The following DLG2 variants were observed in gnomAD, a reference collection of about 807,000 sequenced individuals.
The protein encoded by DLG2 is disks large homolog 2.
Under a neutral mutation model 132.5 loss-of-function variants are expected in DLG2, and 45 were observed. That is an observed-to-expected ratio of 0.34 (90% CI 0.27 to 0.44). The LOEUF (loss-of-function observed/expected upper bound fraction) is 0.44, where lower values mean the gene tolerates loss of function less well. Among genes scored for constraint, DLG2 ranks in the 20% least tolerant of loss-of-function variants. DLG2 has a pLI of 1.00. For missense variants in DLG2, 1,045 were observed against 1,196.9 expected (o/e 0.87, Z 1.87); for synonymous variants, 424 against 419.6 (o/e 1.01, Z -0.13).
chr11:84,849,243 T>C (rs915754256), intron 6 of DLG2, among the ~76,000 whole-genome samples: 1 of 152,156 alleles, frequency 6.6e-6, no homozygotes, highest in African/African-American at 2.4e-5. Context: ...CACTGAGAGA[T>C]AATAAAATGG....
intron 7 of DLG2, among the ~76,000 whole-genome samples, chr11:84,255,524 A>AGGTT (rs1351239804): frequency 6.6e-6 from 1 of 152,110 alleles, no homozygotes; most frequent in Non-Finnish European, 1.5e-5. Flanking sequence ...CAGTTTTGCC[A>AGGTT]GGTTGCCCAG....
intron 15 of DLG2, among the ~76,000 whole-genome samples, chr11:83,894,770 T>A (rs916807159): frequency 5.9e-5 from 9 of 152,198 alleles, no homozygotes; most frequent in African/African-American, 2.2e-4. Flanking sequence ...TATACTTTTT[T>A]TACCTTTAAA....
intron 20 of DLG2, 111 bp from the exon 21 acceptor site, chr11:83,532,894 G>A: frequency 1.2e-6 from 1 of 868,194 alleles, no homozygotes; most frequent in Non-Finnish European, 1.8e-6. Flanking sequence ...CAAATAAAAT[G>A]TGTTCTAAAA....
At chr11:85,230,129 T>C (rs1470365659) in intron 4 of DLG2, among the ~76,000 whole-genome samples, 1 of 151,992 alleles carries the variant, frequency 6.6e-6, no homozygotes, top group African/African-American at 2.4e-5. Context: ...AAAGTATTGT[T>C]TAAAAAATGC....
chr11:83,924,589 T>C (rs548850573), intron 15 of DLG2, among the ~76,000 whole-genome samples: 3 of 152,212 alleles, frequency 2.0e-5, no homozygotes, highest in Non-Finnish European at 2.9e-5. Flanking sequence ...CTACCATTCA[T>C]CTCCCTTCAC....
In DLG2 at chr11:84,690,788, A is replaced by G. The variant is rs187883915; in HGVS notation, c.358-156057T>C. ...TGATTTACTCCAAATCACATACTTA[A>G]TAACAGGCAGAAGTGGTAATTCCAA... On this transcript the variant is annotated intron_variant, in intron 6 of 27. Transcript: ENST00000376104. Among the ~76,000 whole-genome samples the G allele has an allele frequency of 6.6e-5, 10 of 152,040 alleles. No homozygotes were observed. The East Asian group carries it at 1.7e-3, about 26-fold the overall frequency.
chr11:84,827,010 C>G (rs989081043), intron 6 of DLG2, among the ~76,000 whole-genome samples: 7 of 151,696 alleles, frequency 4.6e-5, no homozygotes, highest in Non-Finnish European at 8.8e-5. Flanking sequence ...TAACAAAACT[C>G]AATTTTTTTA....
chr11:85,116,347 C>T (rs191042100), intron 5 of DLG2, among the ~76,000 whole-genome samples: 73 of 151,828 alleles, frequency 4.8e-4, no homozygotes, highest in Admixed American at 7.2e-4. Context: ...TGAGGAAAAA[C>T]GACTCAGAAA....
chr11:84,384,931 CATCT>C (rs1271485380), intron 7 of DLG2, among the ~76,000 whole-genome samples: 5 of 152,074 alleles, frequency 3.3e-5, no homozygotes, highest in Non-Finnish European at 5.9e-5. Flanking sequence ...TGAATTCTTC[CATCT>C]GTTTCCATGT....
rs543330272 is a variant in DLG2 at position 83,988,031 on chromosome 11, A to G, written c.920-7389T>C. ...TTTAAGTTCCTTGTAGACTCTGGAC[A>G]TCAGACCTTTGTCAGATGAATAGAT... On this transcript the variant is annotated intron_variant, in intron 11 of 27. Coordinates refer to ENST00000376104, the MANE Select transcript of DLG2 (RefSeq NM_001142699.3). 4.6e-5 allele frequency among the ~76,000 whole-genome samples: 7 copies of G among 152,274 alleles called. No individual in the cohort carries two copies. The East Asian group carries it at 1.4e-3, about 29-fold the overall frequency.
chr11:84,966,519 T>C (rs959173095), intron 6 of DLG2, among the ~76,000 whole-genome samples: 7 of 152,090 alleles, frequency 4.6e-5, no homozygotes, highest in Non-Finnish European at 8.8e-5. Context: ...AAAGGAAGGA[T>C]TGGAAGACGA....
chr11:85,469,159 G>C (rs1057450940), intron 3 of DLG2, among the ~76,000 whole-genome samples: 1 of 152,176 alleles, frequency 6.6e-6, no homozygotes, highest in African/African-American at 2.4e-5. Context: ...AGTCCTATCA[G>C]CTCCTCATTC....
intron 9 of DLG2, among the ~76,000 whole-genome samples, chr11:84,122,430 T>G (rs1196354298): frequency 6.6e-6 from 1 of 152,202 alleles, no homozygotes; most frequent in African/African-American, 2.4e-5. Context: ...AGTTGGAGAC[T>G]GATTAGTCAA....
At chr11:83,881,028 G>C (rs1187276911) in intron 15 of DLG2, among the ~76,000 whole-genome samples, 2 of 111,706 alleles carry the variant, frequency 1.8e-5, no homozygotes, top group Non-Finnish European at 3.6e-5. Context: ...AAAAGTAATA[G>C]TGGTTTTTTC....
intron 3 of DLG2, among the ~76,000 whole-genome samples, chr11:85,501,524 A>T (rs2093803268): frequency 6.6e-6 from 1 of 152,220 alleles, no homozygotes; most frequent in Non-Finnish European, 1.5e-5. Flanking sequence ...TATCCATCTG[A>T]CAAAGGGCTA....
At chr11:83,705,490 A>G (rs1015726228) in intron 18 of DLG2, among the ~76,000 whole-genome samples, 5 of 152,184 alleles carry the variant, frequency 3.3e-5, no homozygotes, top group Non-Finnish European at 7.4e-5. Flanking sequence ...TATACTAGAT[A>G]TAATAGGTTT....
intron 6 of DLG2, among the ~76,000 whole-genome samples, chr11:84,537,090 C>A (rs1050311856): frequency 7.2e-5 from 11 of 152,040 alleles, no homozygotes; most frequent in South Asian, 2.1e-4. Flanking sequence ...ATATGCTGAA[C>A]CCCCATTACT....
At chr11:85,381,302 A>G (rs2085865934) in intron 3 of DLG2, among the ~76,000 whole-genome samples, 2 of 152,180 alleles carry the variant, frequency 1.3e-5, no homozygotes, top group South Asian at 4.1e-4. Flanking sequence ...GTTTAAAAAA[A>G]TTGGTAGGTT....
chr11:83,634,269 T>C (rs1211947219), intron 18 of DLG2, among the ~76,000 whole-genome samples: 1 of 152,146 alleles, frequency 6.6e-6, no homozygotes, highest in East Asian at 1.9e-4. Context: ...ACATTGCTAT[T>C]GTTTCACAGA....
Sources: allele counts gnomAD v4.1 joint callset (sites outside exome capture counted in the v4.1 genomes callset), GRCh38; gene constraint gnomAD v4.1.1; transcripts MANE v1.5; gene names NCBI Gene and HGNC (gene_info 2026-07-23, HGNC 2026-07-21).